Variants in NRXN3 observed in about 807,000 individuals in gnomAD.
The protein encoded by NRXN3 is neurexin III.
NRXN3 carries 32 observed loss-of-function variants against 137.6 expected under a neutral mutation model. The ratio of observed to expected loss-of-function variants is 0.23; its 90% CI spans 0.18 to 0.31. The LOEUF (loss-of-function observed/expected upper bound fraction) is 0.31. Among genes scored for constraint, NRXN3 ranks in the 10% least tolerant of loss-of-function variants. The pLI is 1.00. For synonymous variants in NRXN3, 798 were observed against 784.5 expected (o/e 1.02, Z -0.29); for missense variants, 1,574 against 2,062.5 (o/e 0.76, Z 4.59).
At chr14:79,680,585 T>A (rs957758747) in intron 17 of NRXN3, among the ~76,000 whole-genome samples, 2 of 152,050 alleles carry the variant, frequency 1.3e-5, no homozygotes, top group Admixed American at 1.3e-4. Flanking sequence ...AGTGTATTCA[T>A]GACCAGTATT....
intron 15 of NRXN3, among the ~76,000 whole-genome samples, chr14:79,320,202 G>T (rs183360991): frequency 1.3e-5 from 2 of 152,108 alleles, no homozygotes; most frequent in Admixed American, 1.3e-4. Flanking sequence ...ATAAAAACAC[G>T]TCTATGAAAT....
intron 15 of NRXN3, among the ~76,000 whole-genome samples, chr14:79,276,134 TA>T: frequency 6.6e-6 from 1 of 152,326 alleles, no homozygotes; most frequent in Non-Finnish European, 1.5e-5. Context: ...GCTGGAACTC[TA>T]GCTACAGGCA....
intron 4 of NRXN3, among the ~76,000 whole-genome samples, chr14:78,461,971 C>G (rs1441138471): frequency 1.3e-5 from 2 of 152,210 alleles, no homozygotes; most frequent in African/African-American, 2.4e-5. Context: ...GGAACTGGTT[C>G]CCAACTCCAG....
At chr14:79,773,522 G>A (rs1016814671) in intron 19 of NRXN3, among the ~76,000 whole-genome samples, 21 of 150,470 alleles carry the variant, frequency 1.4e-4, no homozygotes, top group South Asian at 2.1e-4. Flanking sequence ...GTAAACTATC[G>A]CAAGAACAAA....
At chr14:79,330,128 C>A (rs2091470217) in intron 15 of NRXN3, among the ~76,000 whole-genome samples, 2 of 151,990 alleles carry the variant, frequency 1.3e-5, no homozygotes, top group Non-Finnish European at 2.9e-5. Flanking sequence ...CCGTGCCTCG[C>A]CCATCAAAAG....
chr14:79,785,474 C>T (rs1013038496), intron 19 of NRXN3, among the ~76,000 whole-genome samples: 7 of 152,142 alleles, frequency 4.6e-5, no homozygotes, highest in Admixed American at 1.3e-4. Flanking sequence ...GTGCCATTTA[C>T]CTGGACTATC....
At chr14:78,329,598 A>C (rs1053136388) in intron 4 of NRXN3, among the ~76,000 whole-genome samples, 4 of 152,126 alleles carry the variant, frequency 2.6e-5, no homozygotes, top group African/African-American at 2.4e-5. Flanking sequence ...TAAAATGCAC[A>C]GTTGTTTCTT....
At chr14:78,633,725 C>T (rs1292966917) in intron 4 of NRXN3, among the ~76,000 whole-genome samples, 4 of 152,200 alleles carry the variant, frequency 2.6e-5, no homozygotes, top group African/African-American at 7.2e-5. Flanking sequence ...TCTGTGTCTC[C>T]AAACAGGGTT....
intron 15 of NRXN3, among the ~76,000 whole-genome samples, chr14:79,159,015 G>C (rs1359520624): frequency 6.6e-6 from 1 of 151,844 alleles, no homozygotes; most frequent in African/African-American, 2.4e-5. Flanking sequence ...CTCTGGTAAA[G>C]CTCTCCTGAG....
At chr14:78,420,332 T>C (rs1019673117) in intron 4 of NRXN3, among the ~76,000 whole-genome samples, 2 of 152,238 alleles carry the variant, frequency 1.3e-5, no homozygotes, top group Non-Finnish European at 2.9e-5. Context: ...AAAGTTTATA[T>C]CAGTTTGCAA....
chr14:78,651,200 G>A lies in NRXN3; in HGVS notation c.1095G>A (p.Thr365=), dbSNP rs745971989. The change falls in exon 6 of 21, where the codon ACG becomes ACA. Residue 365 remains threonine, a synonymous_variant. Transcript: ENST00000335750. The part of the protein sequence containing the change: ...TISVDGILTT[T]GYTQEDYTML... ...CTGTGGATGGCATTCTTACCACGAC[G>A]GGCTACACTCAAGAGGACTATACCA... The A allele has an allele frequency of 8.7e-5, 141 of 1,613,584 alleles. No homozygotes were observed. The highest frequency in any genetic ancestry group is 1.1e-4 in the Non-Finnish European group (131 of 1,179,848).
chr14:78,548,734 G>A (rs901819719), intron 4 of NRXN3, among the ~76,000 whole-genome samples: 6 of 152,166 alleles, frequency 3.9e-5, no homozygotes, highest in South Asian at 2.1e-4. Context: ...CTCACTAGAC[G>A]TATTCTATTC....
chr14:79,709,241 C>T (rs2098793696), intron 19 of NRXN3, among the ~76,000 whole-genome samples: 1 of 152,126 alleles, frequency 6.6e-6, no homozygotes, highest in Non-Finnish European at 1.5e-5. Flanking sequence ...CGGTTCCTTG[C>T]TGAGTAATCA....
At chr14:79,427,964 T>A (rs2095682941) in intron 15 of NRXN3, among the ~76,000 whole-genome samples, 1 of 152,136 alleles carries the variant, frequency 6.6e-6, no homozygotes, top group Non-Finnish European at 1.5e-5. Flanking sequence ...AGATCGAGGA[T>A]CCCATTCCCA....
At chr14:79,673,184 C>T (rs1298645663) in intron 17 of NRXN3, among the ~76,000 whole-genome samples, 2 of 152,094 alleles carry the variant, frequency 1.3e-5, no homozygotes, top group South Asian at 2.1e-4. Context: ...AAGGACAAAG[C>T]GGCACTTTGA....
intron 15 of NRXN3, among the ~76,000 whole-genome samples, chr14:79,300,090 C>A (rs1279900920): frequency 6.6e-6 from 1 of 152,020 alleles, no homozygotes; most frequent in African/African-American, 2.4e-5. Flanking sequence ...CCCCTACGTG[C>A]CAAGCACTAT....
chr14:78,865,274 A>G (rs111336962), intron 10 of NRXN3, among the ~76,000 whole-genome samples: 6,008 of 152,308 alleles, frequency 0.039, 173 homozygotes, highest in Middle Eastern at 0.088. Context: ...TTTGAAATAT[A>G]TTGTATTAAC....
chr14:78,300,963 G>A (rs1477731278), intron 4 of NRXN3, among the ~76,000 whole-genome samples: 1 of 152,088 alleles, frequency 6.6e-6, no homozygotes, highest in African/African-American at 2.4e-5. Flanking sequence ...TTTCTATCAG[G>A]AACGGGGGAG....
intron 19 of NRXN3, among the ~76,000 whole-genome samples, chr14:79,732,480 G>A (rs926921885): frequency 5.3e-5 from 8 of 152,136 alleles, no homozygotes; most frequent in Admixed American, 2.0e-4. Flanking sequence ...CTGCTTAGCT[G>A]TAAGGCCAGT....
Sources: gnomAD v4.1 joint callset for allele counts (sites outside exome capture counted in the v4.1 genomes callset) on GRCh38, gnomAD v4.1.1 for gene constraint, MANE v1.5 for transcripts, NCBI Gene and HGNC (gene_info 2026-07-23, HGNC 2026-07-21) for gene names.